Variants in MYO16 observed in about 807,000 individuals in gnomAD.
MYO16 encodes unconventional myosin-XVI.
In MYO16, 94 loss-of-function variants were observed where a neutral mutation model predicts 205.3. The observed-to-expected ratio is 0.46, with a 90% CI of 0.39 to 0.54. The LOEUF is 0.54. MYO16 is among the 20% of genes least tolerant of loss of function. The pLI is 0.00. For synonymous variants in MYO16, 988 were observed against 954.0 expected (o/e 1.04, Z -0.66); for missense variants, 2,315 against 2,387.5 (o/e 0.97, Z 0.63).
chr13:108,946,234 A>G (rs895968934), intron 16 of MYO16, among the ~76,000 whole-genome samples: 2 of 151,988 alleles, frequency 1.3e-5, no homozygotes, highest in Non-Finnish European at 2.9e-5. Context: ...TCTTTACTAG[A>G]TAACTTTTCC....
At chr13:108,925,861 T>G (rs1881975824) in intron 16 of MYO16, among the ~76,000 whole-genome samples, 1 of 152,170 alleles carries the variant, frequency 6.6e-6, no homozygotes, top group African/African-American at 2.4e-5. Context: ...AGAGTGTGCT[T>G]TCTAAAGTAG....
At chr13:109,067,478 T>G (rs986388238) in intron 27 of MYO16, among the ~76,000 whole-genome samples, 2 of 152,178 alleles carry the variant, frequency 1.3e-5, no homozygotes, top group Non-Finnish European at 1.5e-5. Flanking sequence ...CTACAGGACA[T>G]GAGATTTGTA....
chr13:108,600,875 C>G (rs1287619202), intron 1 of MYO16, among the ~76,000 whole-genome samples: 1 of 152,000 alleles, frequency 6.6e-6, no homozygotes, highest in Admixed American at 6.6e-5. Flanking sequence ...AGTAAATAAG[C>G]TTTTCCAACT....
In MYO16 at chr13:108,657,733, G is replaced by T. The variant is rs146156508; in HGVS notation, c.29-8153G>T. On this transcript the variant is annotated intron_variant, in intron 1 of 34. Transcript: ENST00000457511. ...TCACTCCTAATAGCTGACTCATAGG[G>T]TGTGTTGGTTTCTCTATGTAGCTAA... is the stretch of plus-strand genomic sequence containing the variant. Among the ~76,000 whole-genome samples the T allele has an allele frequency of 3.9e-3, 594 of 152,246 alleles. 5 individuals carry two copies. Among genetic ancestry groups the T allele is most frequent in the African/African-American group, 0.014 (564 of 41,542 alleles).
Position 109,195,069 on chromosome 13 carries a change from A to T in MYO16, c.5416-11540A>T, listed in dbSNP as rs542116598. On this transcript the variant is annotated intron_variant, in intron 34 of 34. Coordinates refer to ENST00000457511, the MANE Select transcript of MYO16 (RefSeq NM_001198950.3). ...TGCAAAAAAAAAAGGTACTTAAATT[A>T]TACTAAGTGTGTTCCAGTATAATGT... Among the ~76,000 whole-genome samples, 3 of 152,186 alleles carry T rather than the reference A, an allele frequency of 2.0e-5. No individual in the cohort carries two copies. In the East Asian group the frequency reaches 5.8e-4, roughly 29 times the overall value.
Position 108,629,724 on chromosome 13 carries a change from T to G in MYO16, c.-121T>G, listed in dbSNP as rs927855. On this transcript the variant is annotated 5_prime_UTR_variant, in exon 1 of 35. Coordinates refer to ENST00000457511, the MANE Select transcript of MYO16 (RefSeq NM_001198950.3). ...ATGGAACAGAGCCTCCATGCAATAG[T>G]GCATCCTGAGGTAAACTGTTACCTG... is the stretch of plus-strand genomic sequence containing the variant. The G allele has an allele frequency of 0.18, 151,702 of 839,954 alleles. 15,375 individuals carry two copies. The highest frequency in any genetic ancestry group is 0.3 in the Middle Eastern group (1,339 of 4,394). The allele number at this position is 839,954 out of a possible 1,614,324, so 52.0% of individuals were successfully genotyped here.
chr13:108,825,132 C>T (rs755272445), intron 9 of MYO16, among the ~76,000 whole-genome samples: 7 of 151,990 alleles, frequency 4.6e-5, no homozygotes, highest in African/African-American at 1.7e-4. Flanking sequence ...ATGAATATAG[C>T]TTTAAGACAC....
At chr13:108,986,900 G>T (rs894365658) in intron 20 of MYO16, among the ~76,000 whole-genome samples, 1 of 152,090 alleles carries the variant, frequency 6.6e-6, no homozygotes, top group Non-Finnish European at 1.5e-5. Flanking sequence ...CAGCTAGATG[G>T]CCAAGTTCAA....
chr13:108,563,897 T>C, the MYO16 span, among the ~76,000 whole-genome samples: 4 of 152,188 alleles, frequency 2.6e-5, no homozygotes, highest in East Asian at 7.7e-4. Context: ...GTTCTACTTT[T>C]AGTTTTCTGA....
chr13:108,893,326 A>G (rs1880257518), intron 14 of MYO16, among the ~76,000 whole-genome samples: 2 of 152,232 alleles, frequency 1.3e-5, no homozygotes, highest in Non-Finnish European at 2.9e-5. Context: ...ATAAATCTTC[A>G]CAATGTCATT....
rs767978475 is a variant in MYO16 at position 109,141,195 on chromosome 13, C to A, written c.4983C>A (p.Pro1661=). 1 of 1,607,408 alleles carries A rather than the reference C, an allele frequency of 6.2e-7. No homozygotes were observed. Residue 1661 remains proline (P), a synonymous_variant, in exon 32 of 35, where the codon CCC becomes CCA. Coordinates refer to ENST00000457511, the MANE Select transcript of MYO16 (RefSeq NM_001198950.3). This position sits in a 1 kb window ranked among gnomAD's most constrained non-coding sequence, Gnocchi z 4.1. ...CSSFPKIPYS[P]VKATRADARK... ...CCTTCCCCAAGATCCCATATTCCCCCGTGAAGGCCACCAGGGCGGACGCCA... is the reference window on the plus strand; with the variant it reads ...CCTTCCCCAAGATCCCATATTCCCCAGTGAAGGCCACCAGGGCGGACGCCA...
intron 14 of MYO16, among the ~76,000 whole-genome samples, chr13:108,893,548 A>C (rs1463628039): frequency 6.6e-6 from 1 of 152,222 alleles, no homozygotes; most frequent in Non-Finnish European, 1.5e-5. Flanking sequence ...TAAGGAAATG[A>C]GTAGAAAAGA....
intron 1 of MYO16, among the ~76,000 whole-genome samples, chr13:108,638,270 C>T (rs1880348407): frequency 6.6e-6 from 1 of 151,972 alleles, no homozygotes; most frequent in Admixed American, 6.6e-5. Flanking sequence ...AGAATCTAGG[C>T]TGTCAAAAGT....
chr13:108,572,788 C>T, the MYO16 span, among the ~76,000 whole-genome samples: 5 of 151,992 alleles, frequency 3.3e-5, no homozygotes, highest in African/African-American at 9.7e-5. Flanking sequence ...TTGAAAATAC[C>T]GTTAAATTAA....
intron 20 of MYO16, among the ~76,000 whole-genome samples, chr13:108,971,400 A>G (rs1350649658): frequency 6.7e-6 from 1 of 149,700 alleles, no homozygotes; most frequent in Non-Finnish European, 1.5e-5. Context: ...ATGTATGTGG[A>G]TATATTATCT....
At position 108,928,881 on chromosome 13, in the gene MYO16, C is replaced by T. The variant is rs557407704; in HGVS notation, c.1925+18731C>T. ...CAGTTATTTTAAAAATGGCCATATTCAGGTCATGGATTATAGCTTAATAAA... is the reference window on the plus strand; with the variant it reads ...CAGTTATTTTAAAAATGGCCATATTTAGGTCATGGATTATAGCTTAATAAA... On this transcript the variant is annotated intron_variant, in intron 16 of 34. Transcript: ENST00000457511. Among the ~76,000 whole-genome samples, 6 of 152,254 alleles carry T rather than the reference C, an allele frequency of 3.9e-5. No homozygotes were observed. The South Asian group carries it at 1.2e-3, about 32-fold the overall frequency.
chr13:108,899,744 C>G (rs1880615489), intron 15 of MYO16, among the ~76,000 whole-genome samples: 1 of 152,192 alleles, frequency 6.6e-6, no homozygotes, highest in Non-Finnish European at 1.5e-5. Flanking sequence ...GCGATGTTCT[C>G]TAAGTGGATA....
intron 27 of MYO16, among the ~76,000 whole-genome samples, chr13:109,097,242 T>C (rs1326390292): frequency 6.6e-6 from 1 of 152,022 alleles, no homozygotes; most frequent in African/African-American, 2.4e-5. Flanking sequence ...GGCAGGAAAA[T>C]TGTTTGAACC....
chr13:109,167,499 G>T (rs528538109), intron 33 of MYO16, among the ~76,000 whole-genome samples: 12 of 152,310 alleles, frequency 7.9e-5, no homozygotes, highest in Admixed American at 3.9e-4. Context: ...GGCAGGAGAT[G>T]AAGTTCAGAA....
Sources: gnomAD v4.1 joint callset for allele counts (sites outside exome capture counted in the v4.1 genomes callset) on GRCh38, gnomAD v4.1.1 for gene constraint, Gnocchi (gnomAD v3.1) non-coding constraint, MANE v1.5 for transcripts, NCBI Gene and HGNC (gene_info 2026-07-23, HGNC 2026-07-21) for gene names.